The following CADM1 variants were observed in gnomAD, a reference collection of about 807,000 sequenced individuals.
The protein encoded by CADM1 is TSLC-1.
A neutral mutation model predicts 53.1 loss-of-function variants in CADM1; 15 were observed. The observed-to-expected ratio is 0.28, with a 90% CI of 0.19 to 0.44. The LOEUF is 0.44. CADM1 is among the 20% of genes least tolerant of loss of function. The pLI is 1.00. For synonymous variants in CADM1, 281 were observed against 243.0 expected (o/e 1.16, Z -1.45); for missense variants, 434 against 611.3 (o/e 0.71, Z 3.06).
intron 1 of CADM1, among the ~76,000 whole-genome samples, chr11:115,446,505 A>G (rs1027134429): frequency 5.3e-5 from 8 of 152,218 alleles, no homozygotes; most frequent in Non-Finnish European, 1.0e-4. Flanking sequence ...AGTGTTTTTA[A>G]GATGAGAGGA....
At chr11:115,285,549 G>A (rs996349971) in intron 1 of CADM1, among the ~76,000 whole-genome samples, 1 of 152,160 alleles carries the variant, frequency 6.6e-6, no homozygotes, top group Non-Finnish European at 1.5e-5. Flanking sequence ...TATGATGCAA[G>A]TTGGTATAAG....
chr11:115,431,093 G>T (rs1948035978), intron 1 of CADM1, among the ~76,000 whole-genome samples: 1 of 152,006 alleles, frequency 6.6e-6, no homozygotes, highest in African/African-American at 2.4e-5. Context: ...AGAAAAAAGG[G>T]TAAGAACTAC....
chr11:115,364,826 T>C (rs1946117595), intron 1 of CADM1, among the ~76,000 whole-genome samples: 3 of 152,228 alleles, frequency 2.0e-5, no homozygotes, highest in African/African-American at 7.2e-5. Flanking sequence ...TACAAAGTAG[T>C]AAAACGAACA....
At chr11:115,424,045 C>T (rs1287284309) in intron 1 of CADM1, among the ~76,000 whole-genome samples, 1 of 152,208 alleles carries the variant, frequency 6.6e-6, no homozygotes. Context: ...GATGGTTCCC[C>T]TTATTCTAGT....
At chr11:115,361,769 T>C (rs1591746910) in intron 1 of CADM1, among the ~76,000 whole-genome samples, 1 of 152,004 alleles carries the variant, frequency 6.6e-6, no homozygotes, top group Non-Finnish European at 1.5e-5. Flanking sequence ...CTCTGTACCC[T>C]AGGCTGGAGT....
chr11:115,360,900 C>T (rs1425383010), intron 1 of CADM1, among the ~76,000 whole-genome samples: 2 of 152,170 alleles, frequency 1.3e-5, no homozygotes, highest in Non-Finnish European at 2.9e-5. Flanking sequence ...TAACTGAACA[C>T]TAGGATAAAA....
At chr11:115,338,813 T>C (rs1156883459) in intron 1 of CADM1, among the ~76,000 whole-genome samples, 1 of 152,012 alleles carries the variant, frequency 6.6e-6, no homozygotes, top group African/African-American at 2.4e-5. Context: ...AAGTGCTATA[T>C]GCTTTGTAAG....
chr11:115,267,796 T>C (rs551998321), intron 1 of CADM1, among the ~76,000 whole-genome samples: 16 of 150,928 alleles, frequency 1.1e-4, no homozygotes, highest in African/African-American at 3.9e-4. Flanking sequence ...GCAACATGGC[T>C]GGGTGGACAG....
chr11:115,229,637 T>C (rs2134846499), intron 4 of CADM1, among the ~76,000 whole-genome samples: 1 of 152,140 alleles, frequency 6.6e-6, no homozygotes, highest in South Asian at 2.1e-4. Flanking sequence ...AAAAGAAAAA[T>C]GTTTTTCACC....
intron 1 of CADM1, among the ~76,000 whole-genome samples, chr11:115,428,052 T>G (rs1308810058): frequency 6.7e-6 from 1 of 148,246 alleles, no homozygotes; most frequent in African/African-American, 2.5e-5. Context: ...AAAGGGGATG[T>G]CCACAACTAA....
chr11:115,204,089 AG>A, intron 8 of CADM1, among the ~76,000 whole-genome samples: 1 of 152,184 alleles, frequency 6.6e-6, no homozygotes, highest in Non-Finnish European at 1.5e-5. Flanking sequence ...TCAACTCTAG[AG>A]AAAAAGGCAA....
chr11:115,503,078 G>C (rs1439612178), intron 1 of CADM1, among the ~76,000 whole-genome samples: 1 of 152,156 alleles, frequency 6.6e-6, no homozygotes, highest in African/African-American at 2.4e-5. Flanking sequence ...CTCGGTCCCG[G>C]CGCCCGCCTG....
rs565875589 is a variant in CADM1, at chr11:115,173,401, G to A, written c.*3073C>T. ...CAGACTCAGCCACGGCACAGCACTT[G>A]GCTCACCTGTCCACTGAGAGTGGGG... On this transcript the variant is annotated 3_prime_UTR_variant, in exon 12 of 12. Coordinates refer to ENST00000331581, the MANE Select transcript of CADM1 (RefSeq NM_001301043.2). 4 of 152,450 alleles carry A rather than the reference G, an allele frequency of 2.6e-5. No individual in the cohort carries two copies. The highest frequency in any genetic ancestry group is 2.6e-4 in the Admixed American group (4 of 15,294). The allele number at this position is 152,450 out of a possible 1,614,324, so 9.4% of individuals were successfully genotyped here. A position where few individuals can be genotyped will look rare whatever the true frequency, so the allele number is the denominator to read the frequency against.
chr11:115,437,937 G>A lies in CADM1; in HGVS notation c.124+66334C>T, dbSNP rs139211118. ...AGAACTACAAAATCAGGGAAACTCA[G>A]CTAACAATACGTAGCTTTAAGGCTC... On this transcript the variant is annotated intron_variant, in intron 1 of 11. Transcript: ENST00000331581. Among the ~76,000 whole-genome samples, 88 of 152,258 alleles carry A rather than the reference G, an allele frequency of 5.8e-4. No homozygotes were observed. In the East Asian group the frequency reaches 0.016, roughly 28 times the overall value.
chr11:115,455,283 G>A (rs1383476089), intron 1 of CADM1, among the ~76,000 whole-genome samples: 1 of 151,700 alleles, frequency 6.6e-6, no homozygotes, highest in South Asian at 2.1e-4. Flanking sequence ...AACTCCCACT[G>A]AAAAATTCAT....
intron 1 of CADM1, among the ~76,000 whole-genome samples, chr11:115,243,497 T>G (rs1470054578): frequency 6.6e-6 from 1 of 152,182 alleles, no homozygotes; most frequent in Non-Finnish European, 1.5e-5. Flanking sequence ...AGCTCCACAC[T>G]TTAAGGCACC....
At chr11:115,293,316 C>A (rs58783088) in intron 1 of CADM1, among the ~76,000 whole-genome samples, 1,797 of 152,250 alleles carry the variant, frequency 0.012, 42 homozygotes, top group African/African-American at 0.039. Context: ...GCCTGTAGTC[C>A]CAGCTACTCG....
chr11:115,181,899 G>A lies in CADM1; in HGVS notation c.1166-3124C>T, dbSNP rs1939331984. Among the ~76,000 whole-genome samples the A allele has an allele frequency of 2.0e-5, 3 of 152,190 alleles. No individual in the cohort carries two copies. The South Asian group carries it at 6.2e-4, about 32-fold the overall frequency. ...GCAAGATGCTGCCCAGGGGGGAACT[G>A]GGCTACTGGAGTCGCACGAAAACCA... On this transcript the variant is annotated intron_variant, in intron 10 of 11. Coordinates refer to ENST00000331581, the MANE Select transcript of CADM1 (RefSeq NM_001301043.2).
At chr11:115,458,200 A>G (rs1948720028) in intron 1 of CADM1, among the ~76,000 whole-genome samples, 2 of 152,110 alleles carry the variant, frequency 1.3e-5, no homozygotes, top group African/African-American at 2.4e-5. Flanking sequence ...GTAGTGAGGA[A>G]CAACGTAACT....
Sources: allele counts gnomAD v4.1 joint callset (sites outside exome capture counted in the v4.1 genomes callset), GRCh38; gene constraint gnomAD v4.1.1; transcripts MANE v1.5; gene names NCBI Gene and HGNC (gene_info 2026-07-23, HGNC 2026-07-21).